SLCO1A2: variants seen among roughly 807,000 people sequenced by gnomAD.
The protein encoded by SLCO1A2 is solute carrier organic anion transporter family member 1A2.
In SLCO1A2, 67 loss-of-function variants were observed where a neutral mutation model predicts 69.0. The ratio of observed to expected loss-of-function variants is 0.97; its 90% confidence interval spans 0.80 to 1.19. The LOEUF (loss-of-function observed/expected upper bound fraction) is 1.19, where lower values mean the gene tolerates loss of function less well. Among genes scored for constraint, SLCO1A2 ranks in the 50% most tolerant of loss-of-function variants. The pLI, the probability that SLCO1A2 is intolerant of heterozygous loss-of-function variation, is 0.00. For missense variants in SLCO1A2, 787 were observed against 793.7 expected (o/e 0.99, Z 0.10); for synonymous variants, 260 against 265.9 (o/e 0.98, Z 0.22).
chr12:21,293,207 G>T (rs1947167652), intron 11 of SLCO1A2, among the ~76,000 whole-genome samples: 1 of 152,140 alleles, frequency 6.6e-6, no homozygotes, highest in East Asian at 1.9e-4. Flanking sequence ...GGAGGCTGAG[G>T]CAGGAGAATC....
At chr12:21,301,327 C>G (rs1374331999) in intron 6 of SLCO1A2, 58 bp from the exon 7 acceptor site, 5 of 1,151,700 alleles carry the variant, frequency 4.3e-6, no homozygotes, top group Non-Finnish European at 6.1e-6. Flanking sequence ...ATAAAGAGTT[C>G]TAGGTCTATG....
intron 2 of SLCO1A2, among the ~76,000 whole-genome samples, chr12:21,362,423 C>T (rs991606809): frequency 1.4e-4 from 21 of 152,094 alleles, no homozygotes; most frequent in African/African-American, 4.6e-4. Flanking sequence ...AAGGAACAAC[C>T]GGTACGAGCC....
At chr12:21,283,632 A>T (rs1017522319) in intron 12 of SLCO1A2, among the ~76,000 whole-genome samples, 1 of 152,182 alleles carries the variant, frequency 6.6e-6, no homozygotes, top group African/African-American at 2.4e-5. Flanking sequence ...TGAAGAGACA[A>T]CTCACAGAAT....
intron 2 of SLCO1A2, among the ~76,000 whole-genome samples, chr12:21,371,956 C>A (rs1049173416): frequency 6.6e-6 from 1 of 151,122 alleles, no homozygotes. Context: ...GAGCCGAGAT[C>A]GCACCCTTGT....
At chr12:21,284,144 T>C (rs1299331320) in intron 12 of SLCO1A2, among the ~76,000 whole-genome samples, 1 of 152,094 alleles carries the variant, frequency 6.6e-6, no homozygotes, top group Non-Finnish European at 1.5e-5. Context: ...CTATTCACAA[T>C]AGTCAAGATT....
At chr12:21,331,540 C>T (rs1199890868) in intron 2 of SLCO1A2, among the ~76,000 whole-genome samples, 2 of 151,958 alleles carry the variant, frequency 1.3e-5, no homozygotes, top group African/African-American at 4.8e-5. Flanking sequence ...AATATGATTA[C>T]TGAGCACTCT....
At position 21,268,974 on chromosome 12, in the gene SLCO1A2, A is replaced by C. The variant is rs1942350678; in HGVS notation, c.*574T>G. ...AAATGTATGAGTAATAAAGAAAAGAAAAAATTGAAAGTAGGAGGGTATATT... is the reference window on the plus strand; with the variant it reads ...AAATGTATGAGTAATAAAGAAAAGACAAAATTGAAAGTAGGAGGGTATATT... On this transcript the variant is annotated 3_prime_UTR_variant, in exon 15 of 15. Transcript: ENST00000683939. 1 of 152,040 alleles carries C rather than the reference A, an allele frequency of 6.6e-6. No individual in the cohort carries two copies. The allele number at this position is 152,040 out of a possible 1,614,324, so 9.4% of individuals were successfully genotyped here.
intron 2 of SLCO1A2, among the ~76,000 whole-genome samples, chr12:21,323,971 G>T (rs1043104261): frequency 6.6e-6 from 1 of 152,138 alleles, no homozygotes; most frequent in Non-Finnish European, 1.5e-5. Flanking sequence ...AAAACAGATC[G>T]GGCTCAGTGG....
intron 12 of SLCO1A2, among the ~76,000 whole-genome samples, chr12:21,285,371 T>G (rs1287813483): frequency 6.7e-6 from 1 of 150,334 alleles, no homozygotes; most frequent in Non-Finnish European, 1.5e-5. Flanking sequence ...AATCAATAGT[T>G]TACCAACAAA....
intron 12 of SLCO1A2, among the ~76,000 whole-genome samples, chr12:21,277,005 G>T (rs1213422756): frequency 6.6e-6 from 1 of 152,202 alleles, no homozygotes; most frequent in Non-Finnish European, 1.5e-5. Flanking sequence ...CTAGTGCTGA[G>T]CTGGGCTCAG....
chr12:21,354,477 T>C (rs1938206350), intron 2 of SLCO1A2, among the ~76,000 whole-genome samples: 1 of 152,196 alleles, frequency 6.6e-6, no homozygotes. Flanking sequence ...TTGCATTCAA[T>C]ATTTAGATTG....
At chr12:21,335,003 T>G (rs1952834029), upstream of SLCO1A2, 1 of 171,632 alleles carries the variant, frequency 5.8e-6, no homozygotes, top group East Asian at 1.6e-4. Flanking sequence ...AGAAAGCTTT[T>G]CACTTCTCTA....
Position 21,285,846 on chromosome 12 carries a change from A to G in SLCO1A2, c.1610+6318T>C, listed in dbSNP as rs191727161. Among the ~76,000 whole-genome samples, 320 of 152,250 alleles carry G rather than the reference A, an allele frequency of 2.1e-3. 2 individuals carry two copies. The highest frequency in any genetic ancestry group is 7.4e-3 in the African/African-American group (308 of 41,538). ...AAAACTCTCAATAAATTAGGTATTG[A>G]TGGGACGTATTTCAAAATAATAAGA... On this transcript the variant is annotated intron_variant, in intron 12 of 14. Coordinates refer to ENST00000683939, the MANE Select transcript of SLCO1A2 (RefSeq NM_001386879.1).
chr12:21,334,144 T>C (rs1029800213), intron 2 of SLCO1A2, among the ~76,000 whole-genome samples: 1 of 152,108 alleles, frequency 6.6e-6, no homozygotes, highest in Non-Finnish European at 1.5e-5. Context: ...CAGGAAATTA[T>C]TGTTATGTTG....
chr12:21,311,884 C>CTAGCCCGGCGTGGTGGTAGA (rs1478148417), intron 4 of SLCO1A2: 1 of 151,848 alleles, frequency 6.6e-6, no homozygotes, highest in African/African-American at 2.4e-5. Flanking sequence ...TGAGATCACG[C>CTAGCCCGGCGTGGTGGTAGA]CACTGCACTC....
At chr12:21,364,781 T>G (rs189545300) in intron 2 of SLCO1A2, among the ~76,000 whole-genome samples, 34 of 152,238 alleles carry the variant, frequency 2.2e-4, no homozygotes, top group Admixed American at 1.8e-3. Context: ...AAATCATGAG[T>G]GAACTCCATT....
At chr12:21,324,977 G>A (rs1952098817) in intron 2 of SLCO1A2, among the ~76,000 whole-genome samples, 3 of 152,192 alleles carry the variant, frequency 2.0e-5, no homozygotes, top group Admixed American at 6.5e-5. Flanking sequence ...CTTTAGCAAA[G>A]GGGTAGCTTC....
At chr12:21,413,641 T>C (rs556033549) in intron 1 of SLCO1A2, among the ~76,000 whole-genome samples, 1 of 152,088 alleles carries the variant, frequency 6.6e-6, no homozygotes, top group African/African-American at 2.4e-5. Context: ...TAGTTAAACC[T>C]AGGGAAATCA....
intron 1 of SLCO1A2, chr12:21,403,798 C>T (rs1291123743): frequency 1.4e-5 from 2 of 143,344 alleles, no homozygotes; most frequent in Non-Finnish European, 3.0e-5. Flanking sequence ...TGTTGAAAAA[C>T]CTCAGTTAAT....
Sources: gnomAD v4.1 joint callset for allele counts (sites outside exome capture counted in the v4.1 genomes callset) on GRCh38, gnomAD v4.1.1 for gene constraint, MANE v1.5 for transcripts, NCBI Gene and HGNC (gene_info 2026-07-23, HGNC 2026-07-21) for gene names.